The following REV3L variants were observed in gnomAD, a reference collection of about 807,000 sequenced individuals.
REV3L encodes DNA polymerase zeta catalytic subunit.
A neutral mutation model predicts 299.4 loss-of-function variants in REV3L; 69 were observed. The ratio of observed to expected loss-of-function variants is 0.23; its 90% CI spans 0.19 to 0.28. The LOEUF is 0.28. REV3L is among the 10% of genes least tolerant of loss of function. REV3L has a pLI of 1.00. For missense variants in REV3L, 3,128 were observed against 3,693.8 expected (o/e 0.85, Z 3.97); for synonymous variants, 1,238 against 1,271.4 (o/e 0.97, Z 0.56).
At chr6:111,415,883 T>C (rs550322535) in intron 2 of REV3L, among the ~76,000 whole-genome samples, 1 of 152,320 alleles carries the variant, frequency 6.6e-6, no homozygotes, top group Admixed American at 6.5e-5. Flanking sequence ...AATTTAATGT[T>C]GTATTTATTG....
intron 18 of REV3L, chr6:111,356,626 T>G (rs1778117717): frequency 6.6e-6 from 1 of 152,592 alleles, no homozygotes; most frequent in African/African-American, 2.4e-5. Context: ...CAAAAAAAGG[T>G]ACTGAAATGG....
At chr6:111,388,984 C>T in intron 7 of REV3L, 122 bp downstream of exon 7, 2 of 672,678 alleles carry the variant, frequency 3.0e-6, no homozygotes, top group Non-Finnish European at 5.0e-6. Flanking sequence ...AAGAAAAATA[C>T]ATACAAAATA....
At chr6:111,411,576 T>C (rs1301221100) in intron 2 of REV3L, 22 bp from the exon 3 acceptor site, 2 of 1,415,110 alleles carry the variant, frequency 1.4e-6, no homozygotes, top group African/African-American at 2.9e-5. Flanking sequence ...GAAAAAAAAT[T>C]TCAAATTATT....
intron 1 of REV3L, among the ~76,000 whole-genome samples, chr6:111,417,712 A>T (rs1381091075): frequency 1.3e-5 from 2 of 152,234 alleles, no homozygotes; most frequent in African/African-American, 4.8e-5. Context: ...AAAGAATAAC[A>T]TTAGCTTCTC....
At chr6:111,364,382 TTTACTC>T (rs1395463418) in intron 15 of REV3L, among the ~76,000 whole-genome samples, 1 of 152,106 alleles carries the variant, frequency 6.6e-6, no homozygotes, top group Non-Finnish European at 1.5e-5. Context: ...TGATTTGTAT[TTTACTC>T]TAATATAACA....
intron 31 of REV3L, among the ~76,000 whole-genome samples, chr6:111,305,372 C>T (rs1000351904): frequency 1.3e-5 from 2 of 151,930 alleles, no homozygotes; most frequent in Non-Finnish European, 2.9e-5. Context: ...GGGAGGATTG[C>T]TTGAGTCCAA....
At chr6:111,343,513 A>T (rs1776729177) in intron 21 of REV3L, among the ~76,000 whole-genome samples, 2 of 152,182 alleles carry the variant, frequency 1.3e-5, no homozygotes, top group Non-Finnish European at 2.9e-5. Flanking sequence ...AAAGTCATTG[A>T]ACAATAATAC....
At chr6:111,424,102 G>A (rs1785889972) in intron 1 of REV3L, among the ~76,000 whole-genome samples, 1 of 152,188 alleles carries the variant, frequency 6.6e-6, no homozygotes, top group Admixed American at 6.5e-5. Flanking sequence ...CAAGAATCCT[G>A]AGCCGATATT....
At chr6:111,416,524 C>T in intron 1 of REV3L, 52 bp from the exon 2 acceptor site, 1 of 1,388,352 alleles carries the variant, frequency 7.2e-7, no homozygotes, top group Non-Finnish European at 9.9e-7. Flanking sequence ...TTTAACAATA[C>T]AAAACTCAGA....
chr6:111,449,873 A>G (rs111403468), intron 1 of REV3L, among the ~76,000 whole-genome samples: 2 of 152,344 alleles, frequency 1.3e-5, no homozygotes, highest in South Asian at 2.1e-4. Flanking sequence ...AAAAAAATGT[A>G]GCAATAGAAA....
At chr6:111,402,909 G>C (rs116441429) in intron 4 of REV3L, among the ~76,000 whole-genome samples, 4,332 of 152,242 alleles carry the variant, frequency 0.028, 73 homozygotes, top group South Asian at 0.078. Flanking sequence ...CTACTCCCAG[G>C]TAGGTGTCCA....
chr6:111,413,495 C>T (rs1784458001), intron 2 of REV3L, among the ~76,000 whole-genome samples: 1 of 151,900 alleles, frequency 6.6e-6, no homozygotes, highest in African/African-American at 2.4e-5. Context: ...CAGAAATTAG[C>T]CCAAGGTCAT....
In REV3L at chr6:111,372,615, CAGA is replaced by C; in HGVS notation, c.5737_5739del (p.Ser1913del). The C allele has an allele frequency of 6.7e-7, 1 of 1,492,316 alleles. No individual in the cohort carries two copies. Among genetic ancestry groups the C allele is most frequent in the East Asian group, 2.3e-5 (1 of 43,032 alleles). 92.4% of individuals were successfully genotyped at this position (1,492,316 alleles called of 1,614,324 possible). A position where few individuals can be genotyped will look rare whatever the true frequency, so the allele number is the denominator to read the frequency against. On this transcript the variant is annotated inframe_deletion, in exon 13 of 32. Transcript: ENST00000368802. Reference sequence around the variant, plus strand: ...GATTACCTGGGCTTTTCTGGTACATCAGAAGGATTACTGCAAAATGGTTCCTGG... The same window carrying C: ...GATTACCTGGGCTTTTCTGGTACATCAGGATTACTGCAAAATGGTTCCTGG...
At chr6:111,307,645 G>T in intron 30 of REV3L, 75 bp from the exon 31 acceptor site, 1 of 1,352,200 alleles carries the variant, frequency 7.4e-7, no homozygotes, top group Non-Finnish European at 1.0e-6. Flanking sequence ...CTAATTACAG[G>T]TTTACTCAGG....
intron 1 of REV3L, among the ~76,000 whole-genome samples, chr6:111,454,320 G>A (rs2128319440): frequency 6.6e-6 from 1 of 151,158 alleles, no homozygotes; most frequent in East Asian, 1.9e-4. Flanking sequence ...AACAATGTGA[G>A]GAACTACAGA....
chr6:111,330,965 G>T (rs1775317575), intron 24 of REV3L: 2 of 984,346 alleles, frequency 2.0e-6, no homozygotes, highest in African/African-American at 1.7e-5. Context: ...TGCCACTTTT[G>T]ATATAGTACA....
chr6:111,438,767 A>G (rs182712617), intron 1 of REV3L, among the ~76,000 whole-genome samples: 247 of 152,334 alleles, frequency 1.6e-3, no homozygotes, highest in African/African-American at 5.5e-3. Context: ...AGTGAGTTCT[A>G]CTAAGCATAC....
At chr6:111,450,343 G>A (rs1038134609) in intron 1 of REV3L, among the ~76,000 whole-genome samples, 1 of 151,898 alleles carries the variant, frequency 6.6e-6, no homozygotes, top group African/African-American at 2.4e-5. Flanking sequence ...GCCAGGCACG[G>A]TGATGCGCAC....
At chr6:111,377,587 T>C (rs1780439795) in intron 12 of REV3L, 114 bp downstream of exon 12, 3 of 1,040,534 alleles carry the variant, frequency 2.9e-6, no homozygotes, top group East Asian at 2.5e-5. Flanking sequence ...TCCTCTCACC[T>C]TGGACTCCCA....
Sources: gnomAD v4.1 joint callset for allele counts (sites outside exome capture counted in the v4.1 genomes callset) on GRCh38, gnomAD v4.1.1 for gene constraint, MANE v1.5 for transcripts, NCBI Gene and HGNC (gene_info 2026-07-23, HGNC 2026-07-21) for gene names.